Variants in RAD51B observed in about 807,000 individuals in gnomAD.
RAD51B encodes the protein DNA repair protein RAD51 homolog 2.
A neutral mutation model predicts 42.2 loss-of-function variants in RAD51B; 38 were observed. The observed-to-expected ratio is 0.90, with a 90% CI of 0.70 to 1.18. RAD51B has a LOEUF of 1.18. Among genes scored for constraint, RAD51B ranks in the 50% most tolerant of loss-of-function variants. The probability of loss-of-function intolerance (pLI) is 0.00; values close to 1 mark genes in which losing one functional copy is unlikely to be tolerated. For missense variants in RAD51B, 373 were observed against 400.7 expected, an observed-to-expected ratio of 0.93 and a Z score of 0.59; for synonymous variants, 154 against 145.2, an observed-to-expected ratio of 1.06 and a Z score of -0.43.
intron 3 of RAD51B, among the ~76,000 whole-genome samples, chr14:67,826,250 C>T (rs2140280210): frequency 6.6e-6 from 1 of 152,038 alleles, no homozygotes; most frequent in East Asian, 1.9e-4. Flanking sequence ...TGACCTTTAC[C>T]ATCATCACTT....
chr14:68,262,780 G>A (rs924033640), intron 7 of RAD51B, among the ~76,000 whole-genome samples: 1 of 152,138 alleles, frequency 6.6e-6, no homozygotes, highest in African/African-American at 2.4e-5. Context: ...AAGACACACG[G>A]ACTCAGAGAG....
chr14:68,617,780 G>A (rs539877472), intron 10 of RAD51B, among the ~76,000 whole-genome samples: 89 of 152,250 alleles, frequency 5.8e-4, no homozygotes, highest in African/African-American at 1.4e-3. Flanking sequence ...ATCTGAAGCC[G>A]TCAGTACATT....
intron 9 of RAD51B, among the ~76,000 whole-genome samples, chr14:68,432,381 C>T (rs1343401233): frequency 2.0e-5 from 3 of 152,014 alleles, no homozygotes; most frequent in South Asian, 2.1e-4. Flanking sequence ...ATTGTGTGGG[C>T]GTCTAAGTCC....
chr14:68,395,231 T>C (rs1446682685), intron 8 of RAD51B, among the ~76,000 whole-genome samples: 3 of 152,222 alleles, frequency 2.0e-5, no homozygotes, highest in Admixed American at 6.5e-5. Flanking sequence ...CCGATTCCTA[T>C]GAAATTAGCC....
At chr14:68,359,928 T>C (rs2082989122) in intron 8 of RAD51B, among the ~76,000 whole-genome samples, 1 of 152,202 alleles carries the variant, frequency 6.6e-6, no homozygotes, top group South Asian at 2.1e-4. Flanking sequence ...ACTTTCCACT[T>C]GTTTGCTTTT....
chr14:68,448,773 G>A (rs964488389), intron 9 of RAD51B, among the ~76,000 whole-genome samples: 2 of 152,086 alleles, frequency 1.3e-5, no homozygotes, highest in African/African-American at 4.8e-5. Flanking sequence ...CTTGATTGCT[G>A]ATGGAGAATG....
chr14:68,257,581 CAA>C lies in RAD51B; in HGVS notation c.757-34300_757-34299del, dbSNP rs1188071092. 2.6e-5 allele frequency among the ~76,000 whole-genome samples: 4 copies of C among 151,786 alleles called. No individual in the cohort carries two copies. The South Asian group carries it at 6.2e-4, about 24-fold the overall frequency. On this transcript the variant is annotated intron_variant, in intron 7 of 10. Coordinates refer to ENST00000471583, the MANE Select transcript of RAD51B (RefSeq NM_133510.4). ...TTACATAATGTTAAGCAATTAAAAA[CAA>C]AATATAAAATTATTAAAATGTGTAT...
chr14:67,908,497 C>G (rs1595092028), intron 7 of RAD51B: 1 of 149,864 alleles, frequency 6.7e-6, no homozygotes, highest in Non-Finnish European at 1.5e-5. Flanking sequence ...TTACTTGGAG[C>G]AGGAGTTTTG....
intron 10 of RAD51B, among the ~76,000 whole-genome samples, chr14:68,550,827 A>T (rs1566934976): frequency 6.6e-6 from 1 of 152,194 alleles, no homozygotes; most frequent in Non-Finnish European, 1.5e-5. Flanking sequence ...TTTTCTAAAG[A>T]CATTGGGAAA....
exon 11 of RAD51B, chr14:68,595,764 G>T (rs767158072): frequency 8.3e-6 from 4 of 481,984 alleles, no homozygotes; most frequent in Non-Finnish European, 1.2e-5. Flanking sequence ...AATCTCATGG[G>T]AAAGTGTTCA....
At position 68,411,395 on chromosome 14, in the gene RAD51B, G is replaced by A. The variant is rs780556427; in HGVS notation, c.854-29G>A. On this transcript the variant is annotated intron_variant, in intron 8 of 10. Coordinates refer to ENST00000471583, the MANE Select transcript of RAD51B (RefSeq NM_133510.4). ...AATGCCATCTCAAGAAAGGGCATCTGAAAGCGTGCTTTTACCATTTCATTT... is the reference window on the plus strand; with the variant it reads ...AATGCCATCTCAAGAAAGGGCATCTAAAAGCGTGCTTTTACCATTTCATTT... 88 of 1,593,028 alleles carry A rather than the reference G, an allele frequency of 5.5e-5. No individual in the cohort carries two copies. In the East Asian group the frequency reaches 1.9e-3, roughly 35 times the overall value.
intron 5 of RAD51B, among the ~76,000 whole-genome samples, chr14:67,877,808 G>A (rs995834079): frequency 3.9e-5 from 6 of 152,138 alleles, no homozygotes; most frequent in Non-Finnish European, 5.9e-5. Context: ...GACTGTAGAC[G>A]TGTGCTACCA....
intron 4 of RAD51B, chr14:67,858,058 G>C (rs1382895334): frequency 6.6e-6 from 1 of 152,390 alleles, no homozygotes; most frequent in Non-Finnish European, 1.5e-5. Flanking sequence ...AGGCACCCAG[G>C]TAAGGGTGCC....
chr14:67,893,365 C>A (rs1344667439), intron 7 of RAD51B, among the ~76,000 whole-genome samples: 1 of 151,424 alleles, frequency 6.6e-6, no homozygotes, highest in African/African-American at 2.4e-5. Context: ...CACCTGAAAT[C>A]CCAGCATTTG....
intron 9 of RAD51B, among the ~76,000 whole-genome samples, chr14:68,412,555 A>G (rs936968778): frequency 6.6e-6 from 1 of 152,222 alleles, no homozygotes; most frequent in African/African-American, 2.4e-5. Context: ...TGCCTGTTCT[A>G]GACATAATTT....
At chr14:68,245,120 T>C (rs2080468593) in intron 7 of RAD51B, among the ~76,000 whole-genome samples, 1 of 152,198 alleles carries the variant, frequency 6.6e-6, no homozygotes, top group Non-Finnish European at 1.5e-5. Context: ...ACCTACCCTG[T>C]CCTCGTCCTA....
At chr14:67,845,450 T>A (rs2041579186) in intron 4 of RAD51B, among the ~76,000 whole-genome samples, 1 of 152,120 alleles carries the variant, frequency 6.6e-6, no homozygotes, top group Non-Finnish European at 1.5e-5. Context: ...GGTGGATTGC[T>A]TGAGCCCAGG....
intron 7 of RAD51B, among the ~76,000 whole-genome samples, chr14:67,975,086 A>C (rs192554699): frequency 2.4e-4 from 37 of 152,318 alleles, no homozygotes; most frequent in African/African-American, 7.0e-4. Flanking sequence ...AGCCGCTTTA[A>C]ACAATGAACA....
rs183397637 is a variant in RAD51B at position 67,946,140 on chromosome 14, A to T, written c.756+58936A>T. On this transcript the variant is annotated intron_variant, in intron 7 of 10. Coordinates refer to ENST00000471583, the MANE Select transcript of RAD51B (RefSeq NM_133510.4). The stretch of plus-strand genomic sequence containing the variant: ...GTTTTGGAACTCTCAGCTCTTAGTG[A>T]TATATTCTGTTTTGAAATGAGGGAT... Among the ~76,000 whole-genome samples the T allele has an allele frequency of 5.4e-3, 824 of 152,222 alleles. 4 individuals are homozygous for T. Among genetic ancestry groups the T allele is most frequent in the Middle Eastern group, 0.017 (5 of 294 alleles).
Sources: allele counts gnomAD v4.1 joint callset (sites outside exome capture counted in the v4.1 genomes callset), GRCh38; gene constraint gnomAD v4.1.1; transcripts MANE v1.5; gene names NCBI Gene and HGNC (gene_info 2026-07-23, HGNC 2026-07-21).